The following HLF variants were observed in gnomAD, a reference collection of about 807,000 sequenced individuals.
HLF encodes the protein hepatic leukemia factor.
Under a neutral mutation model 22.6 loss-of-function variants are expected in HLF, and 3 were observed. The ratio of observed to expected loss-of-function variants is 0.13; its 90% confidence interval spans 0.06 to 0.34. HLF has a LOEUF of 0.34. Ranked by LOEUF, HLF falls within the 10% of genes least tolerant of loss-of-function variation. The pLI, the probability that HLF is intolerant of heterozygous loss-of-function variation, is 1.00. For missense variants in HLF, 299 were observed against 389.2 expected (o/e 0.77, Z 1.95); for synonymous variants, 151 against 151.8 (o/e 0.99, Z 0.04).
At chr17:55,281,205 G>C in intron 2 of HLF, among the ~76,000 whole-genome samples, 1 of 152,278 alleles carries the variant, frequency 6.6e-6, no homozygotes, top group East Asian at 1.9e-4. Flanking sequence ...GCATATTTTT[G>C]TATCCCATCA....
chr17:55,305,920 T>A (rs1017689547), intron 2 of HLF, among the ~76,000 whole-genome samples: 17 of 152,240 alleles, frequency 1.1e-4, no homozygotes, highest in African/African-American at 3.9e-4. Flanking sequence ...GGCAAATTAT[T>A]TAGCATATCT....
chr17:55,267,597 T>G (rs2145289575), intron 1 of HLF, 154 bp from the exon 2 acceptor site: 1 of 577,666 alleles, frequency 1.7e-6, no homozygotes, highest in African/African-American at 1.9e-5. Flanking sequence ...CTGCCTGAAC[T>G]TTTAACTCTA....
intron 2 of HLF, among the ~76,000 whole-genome samples, chr17:55,270,991 G>T (rs76481242): frequency 0.091 from 13,872 of 152,124 alleles, 920 homozygotes; most frequent in African/African-American, 0.18. Flanking sequence ...GCAGCATCGC[G>T]GCCCCTACCT....
chr17:55,302,244 C>G (rs1904331022), intron 2 of HLF, among the ~76,000 whole-genome samples: 1 of 152,160 alleles, frequency 6.6e-6, no homozygotes, highest in Admixed American at 6.5e-5. Context: ...GACCAGCAGT[C>G]CACAGATCAG....
chr17:55,285,574 C>T (rs773578759), intron 2 of HLF, among the ~76,000 whole-genome samples: 7 of 152,184 alleles, frequency 4.6e-5, no homozygotes, highest in Non-Finnish European at 8.8e-5. Flanking sequence ...TCACGTTTTC[C>T]AGGGCTGTTG....
At chr17:55,289,216 G>C (rs981340882) in intron 2 of HLF, among the ~76,000 whole-genome samples, 1 of 152,144 alleles carries the variant, frequency 6.6e-6, no homozygotes, top group African/African-American at 2.4e-5. Context: ...ACTTGGCCTT[G>C]CTAAAGGCTT....
chr17:55,315,940 G>A (rs1728534916), intron 3 of HLF, among the ~76,000 whole-genome samples: 1 of 152,198 alleles, frequency 6.6e-6, no homozygotes, highest in Non-Finnish European at 1.5e-5. Flanking sequence ...GCCAACCTTG[G>A]ATGACCAGGG....
chr17:55,299,490 G>A (rs904920181), intron 2 of HLF, among the ~76,000 whole-genome samples: 3 of 152,082 alleles, frequency 2.0e-5, no homozygotes, highest in Non-Finnish European at 4.4e-5. Context: ...AGATGCAATA[G>A]ACAGCAAAAG....
intron 3 of HLF, among the ~76,000 whole-genome samples, chr17:55,316,831 C>T (rs190981909): frequency 8.5e-4 from 130 of 152,194 alleles, no homozygotes; most frequent in Non-Finnish European, 1.4e-3. Context: ...CTAAACTAGT[C>T]AGGACATTGA....
intron 3 of HLF, among the ~76,000 whole-genome samples, chr17:55,317,989 C>T (rs2145375480): frequency 6.6e-6 from 1 of 152,314 alleles, no homozygotes. Context: ...CCCTCTAACC[C>T]TGTATCAGGG....
rs1000958888 is a variant in HLF, at chr17:55,320,610, C to A, written c.673-54C>A. On this transcript the variant is annotated intron_variant, in intron 3 of 3. Coordinates refer to ENST00000226067, the MANE Select transcript of HLF (RefSeq NM_002126.5). The surrounding 1 kb of genome is among the most constrained non-coding windows in gnomAD (Gnocchi z 4.2). ...TGCCCGTGCCCTGGCTGGCACTGGG[C>A]TTTGCTGAAATCTAATATCTTGTTT... The A allele has an allele frequency of 1.9e-5, 29 of 1,553,514 alleles. No homozygotes were observed. Among genetic ancestry groups the A allele is most frequent in the Admixed American group, 1.8e-4 (10 of 56,662 alleles).
chr17:55,296,590 A>G (rs2081113587), intron 2 of HLF, among the ~76,000 whole-genome samples: 1 of 152,204 alleles, frequency 6.6e-6, no homozygotes, highest in Non-Finnish European at 1.5e-5. Flanking sequence ...ATTAATACAT[A>G]TAGATCTGCC....
chr17:55,298,959 T>C (rs969585997), intron 2 of HLF, among the ~76,000 whole-genome samples: 1 of 152,230 alleles, frequency 6.6e-6, no homozygotes, highest in African/African-American at 2.4e-5. Flanking sequence ...CCTTTCCCTC[T>C]GCCTGCATGA....
intron 2 of HLF, among the ~76,000 whole-genome samples, chr17:55,269,540 G>A (rs1190891063): frequency 6.6e-6 from 1 of 152,206 alleles, no homozygotes; most frequent in Non-Finnish European, 1.5e-5. Flanking sequence ...TCTGTAGACT[G>A]AGAATCACCA....
At chr17:55,319,326 C>A (rs1022636737) in intron 3 of HLF, among the ~76,000 whole-genome samples, 7 of 152,006 alleles carry the variant, frequency 4.6e-5, no homozygotes, top group African/African-American at 1.5e-4. Context: ...GCCAACTGCC[C>A]CTTGGAATTC....
At chr17:55,310,965 A>T (rs1217669425) in intron 2 of HLF, among the ~76,000 whole-genome samples, 3 of 152,168 alleles carry the variant, frequency 2.0e-5, no homozygotes, top group African/African-American at 7.2e-5. Flanking sequence ...ACATGTTTTT[A>T]AAAAAGCCCA....
In HLF at chr17:55,296,999, G is replaced by A. The variant is rs368230469; in HGVS notation, c.452-18228G>A. Among the ~76,000 whole-genome samples the A allele has an allele frequency of 2.2e-4, 33 of 152,304 alleles. 1 individual carries two copies. The highest frequency in any genetic ancestry group is 6.8e-3 in the Middle Eastern group (2 of 294). ...GTTCTTATCTATGGCCTTAGATAGA[G>A]GGTGTAAAATTAGGAGACGCAGCTC... On this transcript the variant is annotated intron_variant, in intron 2 of 3. Coordinates refer to ENST00000226067, the MANE Select transcript of HLF (RefSeq NM_002126.5).
At chr17:55,299,567 G>A (rs2081138746) in intron 2 of HLF, among the ~76,000 whole-genome samples, 1 of 152,104 alleles carries the variant, frequency 6.6e-6, no homozygotes, top group Non-Finnish European at 1.5e-5. Flanking sequence ...CTAACAAAAT[G>A]TTCCCAAGGA....
chr17:55,315,414 A>T lies in HLF; in HGVS notation c.639A>T (p.Lys213Asn). 1 of 1,614,192 alleles carries T rather than the reference A, an allele frequency of 6.2e-7. No individual in the cohort carries two copies. The change falls in exon 3 of 4, where the codon AAA (lysine) becomes AAT (asparagine). Residue 213 changes from lysine (K) to asparagine (N), a missense_variant. By Grantham distance (94) the Lys-to-Asn change is moderately conservative. Coordinates refer to ENST00000226067, the MANE Select transcript of HLF (RefSeq NM_002126.5). ...EELKPQPMIKKARKVFIPDDL... is the reference protein window; with the variant it reads ...EELKPQPMIKNARKVFIPDDL... ...TGAAGCCACAGCCCATGATCAAGAA[A>T]GCTCGCAAAGTCTTCATCCCTGATG...
Sources: gnomAD v4.1 joint callset for allele counts (sites outside exome capture counted in the v4.1 genomes callset) on GRCh38, gnomAD v4.1.1 for gene constraint, Gnocchi (gnomAD v3.1) non-coding constraint, MANE v1.5 for transcripts, NCBI Gene and HGNC (gene_info 2026-07-23, HGNC 2026-07-21) for gene names.